CAMK1D: variants seen among roughly 807,000 people sequenced by gnomAD.
CAMK1D encodes the protein calcium/calmodulin-dependent protein kinase type 1D.
In CAMK1D, 9 loss-of-function variants were observed where a neutral mutation model predicts 47.7. The observed-to-expected ratio is 0.19, with a 90% CI of 0.11 to 0.33. CAMK1D has a LOEUF of 0.33. CAMK1D is among the 10% of genes least tolerant of loss of function. CAMK1D has a pLI of 1.00. For missense variants in CAMK1D, 291 were observed against 488.7 expected, an observed-to-expected ratio of 0.60 and a Z score of 3.81; for synonymous variants, 184 against 184.9, an observed-to-expected ratio of 0.99 and a Z score of 0.04.
At chr10:12,538,821 T>A (rs1242511423) in intron 1 of CAMK1D, among the ~76,000 whole-genome samples, 3 of 149,374 alleles carry the variant, frequency 2.0e-5, no homozygotes, top group Non-Finnish European at 4.4e-5. Flanking sequence ...GCAGCTTTTA[T>A]CTGAAGTGGT....
intron 1 of CAMK1D, among the ~76,000 whole-genome samples, chr10:12,435,292 G>T (rs2131998890): frequency 7.0e-6 from 1 of 143,328 alleles, no homozygotes; most frequent in Admixed American, 7.1e-5. Flanking sequence ...CCCTGAACAA[G>T]AAGCCCCACT....
At chr10:12,470,560 C>T (rs1000966962) in intron 1 of CAMK1D, among the ~76,000 whole-genome samples, 3 of 151,798 alleles carry the variant, frequency 2.0e-5, no homozygotes, top group Admixed American at 1.3e-4. Context: ...CTCTGTCGCC[C>T]AGGTGGAGTG....
At position 12,649,292 on chromosome 10, in the gene CAMK1D, A is replaced by G. The variant is rs150048418; in HGVS notation, c.225-17444A>G. Among the ~76,000 whole-genome samples the G allele has an allele frequency of 3.9e-3, 588 of 152,360 alleles. 3 individuals are homozygous for G. Among genetic ancestry groups the G allele is most frequent in the Middle Eastern group, 0.034 (10 of 294 alleles). Reference sequence around the variant, plus strand: ...GTTGTCAGGTTCCAAGTGTGAGTGAATGTTAAGATAGGAAGAAAAGAGCCA... The same window carrying G: ...GTTGTCAGGTTCCAAGTGTGAGTGAGTGTTAAGATAGGAAGAAAAGAGCCA... On this transcript the variant is annotated intron_variant, in intron 2 of 10. Transcript: ENST00000619168.
At chr10:12,637,923 G>C (rs906973238) in intron 2 of CAMK1D, among the ~76,000 whole-genome samples, 2 of 152,140 alleles carry the variant, frequency 1.3e-5, no homozygotes, top group South Asian at 2.1e-4. Context: ...GCAGAGGCAG[G>C]CCACCGATGT....
At chr10:12,729,565 G>A (rs1834801704) in intron 3 of CAMK1D, among the ~76,000 whole-genome samples, 1 of 152,128 alleles carries the variant, frequency 6.6e-6, no homozygotes, top group Admixed American at 6.5e-5. Context: ...TTGAGCCCGG[G>A]CTGCAGTGAG....
At chr10:12,493,237 C>A (rs1316504780) in intron 1 of CAMK1D, among the ~76,000 whole-genome samples, 1 of 152,090 alleles carries the variant, frequency 6.6e-6, no homozygotes, top group Non-Finnish European at 1.5e-5. Flanking sequence ...CGAATGATTT[C>A]TATAAGGGTT....
rs192770932 is a variant in CAMK1D at position 12,695,511 on chromosome 10, C to T, written c.299+28701C>T. The stretch of plus-strand genomic sequence containing the variant: ...CCTGTAGCCACCGCATTAGAACAAG[C>T]GCATGATGATGGAATAAGGTCTCAC... On this transcript the variant is annotated intron_variant, in intron 3 of 10. Coordinates refer to ENST00000619168, the MANE Select transcript of CAMK1D (RefSeq NM_153498.4). Among the ~76,000 whole-genome samples the T allele has an allele frequency of 6.7e-3, 1,018 of 152,234 alleles. 16 individuals are homozygous for T. The highest frequency in any genetic ancestry group is 0.023 in the African/African-American group (967 of 41,510).
At chr10:12,359,039 C>T (rs1330397748) in intron 1 of CAMK1D, among the ~76,000 whole-genome samples, 1 of 152,148 alleles carries the variant, frequency 6.6e-6, no homozygotes, top group Admixed American at 6.5e-5. Flanking sequence ...GAAGAACAAT[C>T]CACAGTTGTT....
intron 2 of CAMK1D, among the ~76,000 whole-genome samples, chr10:12,663,698 A>G (rs1486540435): frequency 6.6e-6 from 1 of 152,172 alleles, no homozygotes; most frequent in Non-Finnish European, 1.5e-5. Context: ...TTGAATGAAT[A>G]ATGAAAAGAG....
chr10:12,745,607 C>CTTT (rs62682462), intron 3 of CAMK1D, among the ~76,000 whole-genome samples: 2,540 of 144,882 alleles, frequency 0.018, 78 homozygotes, highest in African/African-American at 0.058. Flanking sequence ...TTCTTTTTTT[C>CTTT]TTTTTTTTTT....
rs887750472 is a variant in CAMK1D at position 12,421,197 on chromosome 10, C to T, written c.92+71287C>T. ...CCTGGTCTCCTTCCCATGTTCACATCCTAGGATAGGAATCCCTTTCTCTCA... is the reference window on the plus strand; with the variant it reads ...CCTGGTCTCCTTCCCATGTTCACATTCTAGGATAGGAATCCCTTTCTCTCA... On this transcript the variant is annotated intron_variant, in intron 1 of 10. Transcript: ENST00000619168. Among the ~76,000 whole-genome samples, 3 of 152,166 alleles carry T rather than the reference C, an allele frequency of 2.0e-5. No homozygotes were observed. The South Asian group carries it at 6.2e-4, about 32-fold the overall frequency.
At chr10:12,512,815 C>G (rs975164749) in intron 1 of CAMK1D, among the ~76,000 whole-genome samples, 19 of 152,064 alleles carry the variant, frequency 1.2e-4, no homozygotes, top group Non-Finnish European at 2.5e-4. Flanking sequence ...GGTTCCTGGT[C>G]CAGGTGATTT....
chr10:12,376,605 G>A lies in CAMK1D; in HGVS notation c.92+26695G>A, dbSNP rs188952517. Among the ~76,000 whole-genome samples the A allele has an allele frequency of 1.2e-4, 19 of 152,248 alleles. No homozygotes were observed. The East Asian group carries it at 3.1e-3, about 25-fold the overall frequency. On this transcript the variant is annotated intron_variant, in intron 1 of 10. Transcript: ENST00000619168. ...TCCTGTCATGCTTCTCCTGAGGTCC[G>A]GTGGAGGCCTTGCCTGGAGCCTGGA...
chr10:12,743,667 C>T (rs1297368960), intron 3 of CAMK1D, among the ~76,000 whole-genome samples: 1 of 152,192 alleles, frequency 6.6e-6, no homozygotes, highest in East Asian at 1.9e-4. Flanking sequence ...CTAGCAGTCA[C>T]TCCCTATTTC....
chr10:12,443,959 A>G (rs1391787838), intron 1 of CAMK1D, among the ~76,000 whole-genome samples: 3 of 152,236 alleles, frequency 2.0e-5, no homozygotes, highest in East Asian at 1.9e-4. Context: ...TTCTTTCTGG[A>G]TGATATGCTA....
intron 2 of CAMK1D, among the ~76,000 whole-genome samples, chr10:12,561,846 G>C (rs906610685): frequency 6.6e-6 from 1 of 152,182 alleles, no homozygotes; most frequent in African/African-American, 2.4e-5. Context: ...ATTGCTTATA[G>C]CACTCCCTGA....
At chr10:12,489,604 C>T (rs1025803000) in intron 1 of CAMK1D, among the ~76,000 whole-genome samples, 33 of 152,132 alleles carry the variant, frequency 2.2e-4, no homozygotes, top group African/African-American at 1.4e-4. Context: ...GAGCTTCGCT[C>T]GTTTTCTCCC....
At chr10:12,357,481 A>G (rs547563917) in intron 1 of CAMK1D, among the ~76,000 whole-genome samples, 4 of 152,110 alleles carry the variant, frequency 2.6e-5, no homozygotes, top group East Asian at 3.9e-4. Context: ...ACGCCCAGCT[A>G]ATTTTTGTAT....
intron 2 of CAMK1D, among the ~76,000 whole-genome samples, chr10:12,557,551 CAAAAAA>C (rs5783273): frequency 1.5e-4 from 13 of 84,472 alleles, no homozygotes; most frequent in African/African-American, 5.4e-4. Context: ...GACTCCATCT[CAAAAAA>C]AAAAAAAAAA....
Sources: gnomAD v4.1 joint callset for allele counts (sites outside exome capture counted in the v4.1 genomes callset) on GRCh38, gnomAD v4.1.1 for gene constraint, MANE v1.5 for transcripts, NCBI Gene and HGNC (gene_info 2026-07-23, HGNC 2026-07-21) for gene names.